HS6ST2: variants seen among roughly 807,000 people sequenced by gnomAD.
The protein encoded by HS6ST2 is heparan-sulfate 6-O-sulfotransferase 2.
A neutral mutation model predicts 33.0 loss-of-function variants in HS6ST2; 17 were observed. The ratio of observed to expected loss-of-function variants is 0.52; its 90% CI spans 0.35 to 0.77. The LOEUF (loss-of-function observed/expected upper bound fraction) is 0.77. Among genes scored for constraint, HS6ST2 ranks in the 30% least tolerant of loss-of-function variants. The pLI is 0.01. For synonymous variants in HS6ST2, 248 were observed against 237.1 expected (o/e 1.05, Z -0.42); for missense variants, 519 against 551.7 (o/e 0.94, Z 0.59).
intron 2 of HS6ST2, among the ~76,000 whole-genome samples, chrX:132,891,865 T>C (rs1189880006): frequency 8.9e-6 from 1 of 111,777 alleles, no homozygotes; most frequent in African/African-American, 3.3e-5. Flanking sequence ...TGTGTCTTTA[T>C]AGCAGCATGA....
At chrX:132,852,726 G>A (rs746961147) in intron 2 of HS6ST2, among the ~76,000 whole-genome samples, 9 of 112,119 alleles carry the variant, frequency 8.0e-5, no homozygotes, top group Admixed American at 1.9e-4. Context: ...ATAGAATTCC[G>A]ATTATGGCCC....
intron 2 of HS6ST2, among the ~76,000 whole-genome samples, chrX:132,867,359 A>T (rs1422732541): frequency 9.2e-6 from 1 of 108,876 alleles, no homozygotes; most frequent in Non-Finnish European, 1.9e-5. Context: ...AAGCTTTTTG[A>T]TGTGCTGCTG....
At chrX:132,738,180 G>C (rs1401947613) in intron 2 of HS6ST2, among the ~76,000 whole-genome samples, 3 of 112,470 alleles carry the variant, frequency 2.7e-5, no homozygotes, top group Admixed American at 9.4e-5. Flanking sequence ...CTGTGAGAAG[G>C]AAAACTCTAC....
At chrX:132,927,460 A>C (rs1251754705) in intron 2 of HS6ST2, among the ~76,000 whole-genome samples, 2 of 111,922 alleles carry the variant, frequency 1.8e-5, no homozygotes, top group Non-Finnish European at 3.8e-5. Flanking sequence ...CGCATATCCT[A>C]CTGGGCTCTA....
At chrX:132,900,744 A>T (rs1056689262) in intron 2 of HS6ST2, among the ~76,000 whole-genome samples, 5 of 111,065 alleles carry the variant, frequency 4.5e-5, no homozygotes, top group Non-Finnish European at 7.5e-5. Context: ...AGTTAGAAGG[A>T]TGTTATGGTA....
intron 2 of HS6ST2, among the ~76,000 whole-genome samples, chrX:132,867,656 T>C (rs1264920638): frequency 9.0e-6 from 1 of 111,517 alleles, no homozygotes; most frequent in African/African-American, 3.3e-5. Context: ...AAAACAATTT[T>C]CAACCCAGAA....
At chrX:132,789,772 TG>T (rs969908760) in intron 2 of HS6ST2, among the ~76,000 whole-genome samples, 1 of 111,516 alleles carries the variant, frequency 9.0e-6, no homozygotes, top group African/African-American at 3.3e-5. Context: ...TTAATCACTT[TG>T]GGGGCTCAAG....
chrX:132,642,428 A>C (rs2063607873), intron 4 of HS6ST2, among the ~76,000 whole-genome samples: 2 of 111,444 alleles, frequency 1.8e-5, no homozygotes, highest in South Asian at 7.7e-4. Flanking sequence ...TATGAAGTGC[A>C]AACCCTGGCT....
chrX:132,783,540 C>T (rs1444407082), intron 2 of HS6ST2, among the ~76,000 whole-genome samples: 1 of 111,229 alleles, frequency 9.0e-6, no homozygotes, highest in Non-Finnish European at 1.9e-5. Flanking sequence ...TCTCTACCCA[C>T]CCACACACAC....
intron 2 of HS6ST2, among the ~76,000 whole-genome samples, chrX:132,867,257 C>G (rs1351670465): frequency 2.6e-4 from 25 of 94,755 alleles, no homozygotes; most frequent in East Asian, 3.2e-4. Context: ...TTTGTCTTTG[C>G]TTCTGTTTAT....
At chrX:132,888,917 A>G (rs2066278775) in intron 2 of HS6ST2, among the ~76,000 whole-genome samples, 1 of 111,178 alleles carries the variant, frequency 9.0e-6, no homozygotes, top group Non-Finnish European at 1.9e-5. Context: ...TCACTGTGTT[A>G]TAAGTGCTTT....
chrX:132,812,494 G>C (rs1172807358), intron 2 of HS6ST2, among the ~76,000 whole-genome samples: 1 of 106,452 alleles, frequency 9.4e-6, no homozygotes, highest in Non-Finnish European at 1.9e-5. Context: ...TGGTATTTCA[G>C]TGTGATTTTG....
At chrX:132,958,101 C>T in intron 1 of HS6ST2, 74 bp downstream of exon 1, 9 of 984,067 alleles carry the variant, frequency 9.1e-6, no homozygotes, top group Non-Finnish European at 1.2e-5. Flanking sequence ...CCCCCCGCGG[C>T]TGCCTTCCCT....
chrX:132,877,980 C>T (rs1454072055), intron 2 of HS6ST2, among the ~76,000 whole-genome samples: 2 of 110,983 alleles, frequency 1.8e-5, no homozygotes, highest in Admixed American at 9.6e-5. Context: ...AATATTTAAA[C>T]GGAGGAGGGG....
At chrX:132,654,468 G>T (rs1225036855) in intron 4 of HS6ST2, among the ~76,000 whole-genome samples, 1 of 111,304 alleles carries the variant, frequency 9.0e-6, no homozygotes, top group Non-Finnish European at 1.9e-5. Flanking sequence ...ACATCATGAG[G>T]TTCAGGGAAA....
chrX:132,777,365 A>T (rs1410674077), intron 2 of HS6ST2, among the ~76,000 whole-genome samples: 2 of 109,965 alleles, frequency 1.8e-5, no homozygotes, highest in Non-Finnish European at 3.8e-5. Context: ...GAAAAAAAAT[A>T]AGTTAAAATG....
chrX:132,950,442 T>C (rs768005166), intron 2 of HS6ST2, among the ~76,000 whole-genome samples: 64 of 112,599 alleles, frequency 5.7e-4, no homozygotes, highest in Admixed American at 1.0e-3. Flanking sequence ...TCAAGTTACA[T>C]TCCCACTGAC....
intron 2 of HS6ST2, among the ~76,000 whole-genome samples, chrX:132,805,222 G>A (rs1470420076): frequency 1.8e-5 from 2 of 111,720 alleles, no homozygotes; most frequent in African/African-American, 3.3e-5. Flanking sequence ...TTTGGCCTTC[G>A]CTGGTCTTTG....
At chrX:132,728,750 T>C (rs1602617665) in intron 2 of HS6ST2, among the ~76,000 whole-genome samples, 1 of 112,671 alleles carries the variant, frequency 8.9e-6, no homozygotes. Flanking sequence ...TTCAATGGGT[T>C]GTGAAGGCAC....
Sources: gnomAD v4.1 joint callset for allele counts (sites outside exome capture counted in the v4.1 genomes callset) on GRCh38, gnomAD v4.1.1 for gene constraint, MANE v1.5 for transcripts, NCBI Gene and HGNC (gene_info 2026-07-23, HGNC 2026-07-21) for gene names.